Variants in CLPTM1 observed in about 807,000 individuals in gnomAD.
CLPTM1 encodes putative lipid scramblase CLPTM1.
In CLPTM1, 21 loss-of-function variants were observed where a neutral mutation model predicts 77.3. That is an observed-to-expected ratio of 0.27 (90% CI 0.19 to 0.39). CLPTM1 has a LOEUF of 0.39. CLPTM1 is among the 10% of genes least tolerant of loss of function. The pLI is 1.00. For missense variants in CLPTM1, 642 were observed against 921.2 expected, an observed-to-expected ratio of 0.70 and a Z score of 3.92; for synonymous variants, 373 against 381.0, an observed-to-expected ratio of 0.98 and a Z score of 0.24.
intron 2 of CLPTM1, among the ~76,000 whole-genome samples, chr19:44,964,997 A>G (rs1970604460): frequency 6.6e-6 from 1 of 152,056 alleles, no homozygotes; most frequent in Non-Finnish European, 1.5e-5. Flanking sequence ...TATGCTTGGC[A>G]CTGGGTTCTA....
At chr19:44,959,035 G>A (rs1970504744) in intron 1 of CLPTM1, among the ~76,000 whole-genome samples, 1 of 152,142 alleles carries the variant, frequency 6.6e-6, no homozygotes, top group African/African-American at 2.4e-5. Context: ...TTTGGCCTTT[G>A]GGGAAATCCT....
At position 44,974,447 on chromosome 19, in the gene CLPTM1, T is replaced by C. The variant is rs1202655820; in HGVS notation, c.318T>C (p.His106=). 2.5e-6 allele frequency: 4 copies of C among 1,613,010 alleles called. No individual in the cohort carries two copies. Among genetic ancestry groups the C allele is most frequent in the Middle Eastern group, 1.6e-4 (1 of 6,082 alleles). ...LFPKDTLMNL[H]VYISEHEHFT... ...CCTTCCTGTCCCAACAGAACCTGCA[T>C]GTGTACATCTCAGAGCACGAGCACT... The change falls in exon 4 of 14, where the codon CAT becomes CAC. Residue 106 remains histidine, a synonymous_variant. Transcript: ENST00000337392.
intron 9 of CLPTM1, among the ~76,000 whole-genome samples, chr19:44,988,461 A>C (rs994279981): frequency 9.2e-5 from 14 of 152,354 alleles, no homozygotes; most frequent in South Asian, 8.3e-4. Context: ...AGCCAAGAGC[A>C]GGGAAGCCCC....
At position 44,988,130 on chromosome 19, in the gene CLPTM1, G is replaced by A. The variant is rs773120922; in HGVS notation, c.1089G>A (p.Val363=). 6.2e-7 allele frequency: 1 copy of A among 1,614,160 alleles called. No individual in the cohort carries two copies. Among genetic ancestry groups the A allele is most frequent in the Non-Finnish European group, 8.5e-7 (1 of 1,180,010 alleles). ...ACCTGCTGGCGCTCACCATCATCGT[G>A]TCTATCGTTCACAGTGTCTTCGAGT... is the stretch of plus-strand genomic sequence containing the variant. ...NPYLLALTII[V]SIVHSVFEFL... Residue 363 remains valine (V), a synonymous_variant, in exon 9 of 14, where the codon GTG becomes GTA. Transcript: ENST00000337392.
intron 1 of CLPTM1, among the ~76,000 whole-genome samples, chr19:44,959,797 G>A (rs1214488368): frequency 6.6e-6 from 1 of 152,196 alleles, no homozygotes; most frequent in Non-Finnish European, 1.5e-5. Flanking sequence ...AGCATACGAG[G>A]GTTCCTGTTT....
Position 44,980,843 on chromosome 19 carries a change from A to G in CLPTM1, c.586+3383A>G, listed in dbSNP as rs905161965. On this transcript the variant is annotated intron_variant, in intron 5 of 13. Transcript: ENST00000337392. ...TTTTATTTCATTTTATTTATTTATT[A>G]TTATTTTTTTTTGAGATGAAGTCTT... Among the ~76,000 whole-genome samples the G allele has an allele frequency of 2.0e-5, 3 of 151,188 alleles. No homozygotes were observed. In the East Asian group the frequency reaches 5.8e-4, roughly 29 times the overall value.
upstream of CLPTM1, chr19:44,955,357 G>T: frequency 7.4e-7 from 1 of 1,345,890 alleles, no homozygotes; most frequent in Non-Finnish European, 9.5e-7. Flanking sequence ...CGGGGACGGG[G>T]CGGGGCTGGC....
Position 44,955,506 on chromosome 19 carries a change from A to C in CLPTM1, c.72+39A>C, listed in dbSNP as rs1370369826. The C allele has an allele frequency of 4.7e-6, 6 of 1,266,136 alleles. No homozygotes were observed. In the African/African-American group the frequency reaches 7.8e-5, roughly 16 times the overall value. 78.4% of individuals were successfully genotyped at this position (1,266,136 alleles called of 1,614,324 possible). A position where few individuals can be genotyped will look rare whatever the true frequency, so the allele number is the denominator to read the frequency against. On this transcript the variant is annotated intron_variant, in intron 1 of 13. Transcript: ENST00000337392. Reference sequence around the variant, plus strand: ...GAGGGGACTGAGGGGGTTCTTCCCCAGCCGGGGGGCCTCCCACGGGGCGTG... The same window carrying C: ...GAGGGGACTGAGGGGGTTCTTCCCCCGCCGGGGGGCCTCCCACGGGGCGTG...
chr19:44,963,933 CT>C (rs370988533), intron 2 of CLPTM1, among the ~76,000 whole-genome samples: 387 of 140,970 alleles, frequency 2.7e-3, no homozygotes, highest in Admixed American at 2.6e-3. Context: ...CTAATTTTTG[CT>C]TTTTTTTTTT....
chr19:44,987,541 T>C, intron 8 of CLPTM1, 118 bp downstream of exon 8: 1 of 1,354,780 alleles, frequency 7.4e-7, no homozygotes, highest in Non-Finnish European at 1.0e-6. Flanking sequence ...CTGCCCACAG[T>C]TTCACAACCT....
chr19:44,989,803 T>C (rs909134), intron 9 of CLPTM1, among the ~76,000 whole-genome samples: 59,151 of 151,902 alleles, frequency 0.39, 12,071 homozygotes, highest in East Asian at 0.49. Flanking sequence ...GAGAGGAGCA[T>C]GCTGACATGG....
At chr19:44,958,761 G>T (rs747010485) in intron 1 of CLPTM1, among the ~76,000 whole-genome samples, 1 of 152,238 alleles carries the variant, frequency 6.6e-6, no homozygotes, top group African/African-American at 2.4e-5. Context: ...GTGTGGTGCA[G>T]CCATCACCAC....
rs1568391037 is a variant in CLPTM1, at chr19:44,992,374, T to C, written c.1697T>C (p.Met566Thr). ...LFAFVIKMPV[M>T]YRIGCLRDDV... ...GCCTTTGTCATCAAGATGCCCGTTA[T>C]GTACCGGATCGGCTGCCTGCGGGAC... Residue 566 changes from methionine to threonine, a missense_variant, in exon 13 of 14, where the codon ATG becomes ACG. This residue lies in a region of CLPTM1 where 521 missense variants were observed against 800.4 expected (regional missense o/e 0.65). Transcript: ENST00000337392. The surrounding 1 kb of genome is among the most constrained non-coding windows in gnomAD (Gnocchi z 7.7). The C allele has an allele frequency of 1.9e-6, 3 of 1,614,140 alleles. No homozygotes were observed. The highest frequency in any genetic ancestry group is 1.1e-5 in the South Asian group (1 of 91,092).
At chr19:44,968,572 T>TG (rs1211767505) in intron 2 of CLPTM1, among the ~76,000 whole-genome samples, 1 of 152,204 alleles carries the variant, frequency 6.6e-6, no homozygotes, top group Non-Finnish European at 1.5e-5. Flanking sequence ...GGTGCATGGA[T>TG]GAGGGGCCAT....
At chr19:44,980,508 C>CAAA (rs74516090) in intron 5 of CLPTM1, among the ~76,000 whole-genome samples, 4 of 93,058 alleles carry the variant, frequency 4.3e-5, no homozygotes, top group Non-Finnish European at 6.5e-5. Flanking sequence ...GACTCCATCT[C>CAAA]AAAAAAAAAA....
Position 44,985,317 on chromosome 19 carries a change from G to A in CLPTM1, c.672+14G>A, listed in dbSNP as rs1488678117. 1.3e-6 allele frequency: 2 copies of A among 1,580,784 alleles called. No homozygotes were observed. Among genetic ancestry groups the A allele is most frequent in the Admixed American group, 1.7e-5 (1 of 59,680 alleles). On this transcript the variant is annotated intron_variant, in intron 6 of 13. Coordinates refer to ENST00000337392, the MANE Select transcript of CLPTM1 (RefSeq NM_001294.4). ...GAAATGATCAAGGTAAATGGGCAGG[G>A]TTGTCAGGGCCTATAGGGACCAAGC...
Position 44,992,423 on chromosome 19 carries a change from GA to G in CLPTM1, c.1723+24del. 2 of 1,613,774 alleles carry G rather than the reference GA, an allele frequency of 1.2e-6. No homozygotes were observed. The highest frequency in any genetic ancestry group is 2.2e-5 in the East Asian group (1 of 44,858). ...ACGGTGAGGCCCGGTGGGCAGGTGG[GA>G]GCTCCCACCGGAACAGGGCCCTGAG... On this transcript the variant is annotated intron_variant, in intron 13 of 13. Coordinates refer to ENST00000337392, the MANE Select transcript of CLPTM1 (RefSeq NM_001294.4). This position sits in a 1 kb window ranked among gnomAD's most constrained non-coding sequence, Gnocchi z 7.7.
At chr19:44,954,756 T>TG (rs1234550211), upstream of CLPTM1, 35 of 1,329,688 alleles carry the variant, frequency 2.6e-5, no homozygotes, top group Non-Finnish European at 3.4e-5. Context: ...TCCGAAGGCT[T>TG]GGGGGTGTAT....
chr19:44,979,761 C>T (rs948224905), intron 5 of CLPTM1, among the ~76,000 whole-genome samples: 1 of 152,044 alleles, frequency 6.6e-6, no homozygotes, highest in Admixed American at 6.6e-5. Flanking sequence ...GTGGTGAGAT[C>T]TTTGGAGAAC....
Sources: allele counts gnomAD v4.1 joint callset (sites outside exome capture counted in the v4.1 genomes callset), GRCh38; gene constraint gnomAD v4.1.1; regional missense constraint gnomAD v4.1.1; non-coding constraint Gnocchi (gnomAD v3.1); transcripts MANE v1.5; gene names NCBI Gene and HGNC (gene_info 2026-07-23, HGNC 2026-07-21).